MAPK11: variants seen among roughly 807,000 people sequenced by gnomAD.
The protein encoded by MAPK11 is mitogen-activated protein kinase 11.
MAPK11 carries 44 observed loss-of-function variants against 52.2 expected under a neutral mutation model. The ratio of observed to expected loss-of-function variants is 0.84; its 90% CI spans 0.66 to 1.08. MAPK11 has a LOEUF of 1.08. MAPK11 is among the 50% of genes least tolerant of loss of function. The pLI is 0.00. For synonymous variants in MAPK11, 233 were observed against 206.3 expected, an observed-to-expected ratio of 1.13 and a Z score of -1.11; for missense variants, 436 against 494.7, an observed-to-expected ratio of 0.88 and a Z score of 1.13.
At chr22:50,266,167 C>G (rs907756355) in intron 9 of MAPK11, 59 bp downstream of exon 9, 55 of 1,395,954 alleles carry the variant, frequency 3.9e-5, no homozygotes, top group Non-Finnish European at 5.1e-5. Flanking sequence ...CCCTCTCCCC[C>G]AGAGAGCCTG....
At position 50,270,267 on chromosome 22, in the gene MAPK11, T is replaced by C. The variant is rs1204373387; in HGVS notation, c.26A>G (p.Tyr9Cys). The change falls in exon 1 of 12, where the codon TAC becomes TGC. Residue 9 changes from tyrosine (Y) to cysteine (C), a missense_variant. Physicochemically the swap from Tyr to Cys is radical, Grantham distance 194. Transcript: ENST00000330651. This position sits in a 1 kb window ranked among gnomAD's most constrained non-coding sequence, Gnocchi z 6.3. ...CACGGTCTTGTTCAGCTCCTGCCGG[T>C]AGAAGCCGGCGCGAGGGCCCGACAT... The part of the protein sequence containing the change: MSGPRAGF[Y>C]RQELNKTVWE... The C allele has an allele frequency of 7.0e-7, 1 of 1,433,556 alleles. No homozygotes were observed. The highest frequency in any genetic ancestry group is 9.2e-7 in the Non-Finnish European group (1 of 1,090,942). The allele number at this position is 1,433,556 out of a possible 1,614,324, so 88.8% of individuals were successfully genotyped here.
At chr22:50,266,374 G>A in intron 8 of MAPK11, 69 bp from the exon 9 acceptor site, 9 of 1,499,808 alleles carry the variant, frequency 6.0e-6, no homozygotes, top group Non-Finnish European at 8.2e-6. Flanking sequence ...CCAAAACTTT[G>A]GGGCGCTGCC....
Position 50,264,878 on chromosome 22 carries a change from A to T in MAPK11, c.*70T>A. Reference sequence around the variant, plus strand: ...AGTGTGGGAGGTGCCTCTCGAGGAAACCAGGCCAGCTGTGGAAGGGTGCAG... The same window carrying T: ...AGTGTGGGAGGTGCCTCTCGAGGAATCCAGGCCAGCTGTGGAAGGGTGCAG... On this transcript the variant is annotated 3_prime_UTR_variant, in exon 12 of 12. Transcript: ENST00000330651. 2.3e-6 allele frequency: 3 copies of T among 1,315,110 alleles called. No homozygotes were observed. The highest frequency in any genetic ancestry group is 3.2e-6 in the Non-Finnish European group (3 of 938,222). 81.5% of individuals were successfully genotyped at this position (1,315,110 alleles called of 1,614,324 possible).
chr22:50,268,385 T>C (rs1839007028), intron 1 of MAPK11, among the ~76,000 whole-genome samples: 1 of 152,206 alleles, frequency 6.6e-6, no homozygotes, highest in South Asian at 2.1e-4. Flanking sequence ...AGGGGGATTC[T>C]AGAGCCACCT....
chr22:50,267,686 C>G, intron 2 of MAPK11, 59 bp from the exon 3 acceptor site: 1 of 1,474,778 alleles, frequency 6.8e-7, no homozygotes, highest in Non-Finnish European at 9.0e-7. Flanking sequence ...TTCAGCTCCC[C>G]CCGGGCCACG....
chr22:50,267,427 C>A lies in MAPK11; in HGVS notation c.361G>T (p.Ala121Ser), dbSNP rs1304886815. The change falls in exon 4 of 12, where the codon GCG (alanine) becomes TCG (serine). Residue 121 changes from alanine (A) to serine (S), a missense_variant. Transcript: ENST00000330651. Reference protein sequence around the residue: ...ADLNNIVKCQALSDEHVQFLV... With the variant: ...ADLNNIVKCQSLSDEHVQFLV... ...AATTGAACGTGCTCGTCGCTCAGCG[C>A]CTGGCACTTGACGATGTTGTTCAGG... The A allele has an allele frequency of 3.1e-6, 5 of 1,610,974 alleles. No individual in the cohort carries two copies. The African/African-American group carries it at 6.7e-5, about 22-fold the overall frequency.
chr22:50,268,781 C>A (rs1357624140), intron 1 of MAPK11, among the ~76,000 whole-genome samples: 1 of 152,208 alleles, frequency 6.6e-6, no homozygotes, highest in Non-Finnish European at 1.5e-5. Flanking sequence ...GAGGCCACCC[C>A]CCATGCCCAC....
intron 7 of MAPK11, 65 bp from the exon 8 acceptor site, chr22:50,266,676 C>T (rs777746397): frequency 2.7e-6 from 4 of 1,459,798 alleles, no homozygotes; most frequent in Non-Finnish European, 3.8e-6. Flanking sequence ...AGGAGACCCA[C>T]AGTCACATCC....
In MAPK11 at chr22:50,266,657, C is replaced by T. The variant is rs1390503813; in HGVS notation, c.611-46G>A. ...CTCCATCAGTGTGCCCACCCCACGTCCCTCCTCCAGGAGACCCACAGTCAC... is the reference window on the plus strand; with the variant it reads ...CTCCATCAGTGTGCCCACCCCACGTTCCTCCTCCAGGAGACCCACAGTCAC... On this transcript the variant is annotated intron_variant, in intron 7 of 11. Transcript: ENST00000330651. The T allele has an allele frequency of 1.9e-6, 3 of 1,553,358 alleles. No homozygotes were observed. The African/African-American group carries it at 4.1e-5, about 21-fold the overall frequency.
chr22:50,270,153 G>A lies in MAPK11; in HGVS notation c.116+24C>T. 9.1e-7 allele frequency: 1 copy of A among 1,100,492 alleles called. No homozygotes were observed. Among genetic ancestry groups the A allele is most frequent in the Non-Finnish European group, 1.2e-6 (1 of 831,678 alleles). 68.2% of individuals were successfully genotyped at this position (1,100,492 alleles called of 1,614,324 possible). The stretch of plus-strand genomic sequence containing the variant: ...TCCGGCCCGGCCCGGCCCCCACCCA[G>A]CACCCCTTCTGCCCCGCCCCTACCA... On this transcript the variant is annotated intron_variant, in intron 1 of 11. Coordinates refer to ENST00000330651, the MANE Select transcript of MAPK11 (RefSeq NM_002751.7). The surrounding 1 kb of genome is among the most constrained non-coding windows in gnomAD (Gnocchi z 6.3).
Position 50,267,800 on chromosome 22 carries a change from A to G in MAPK11, c.246+20T>C, listed in dbSNP as rs1357234951. On this transcript the variant is annotated intron_variant, in intron 2 of 11. Coordinates refer to ENST00000330651, the MANE Select transcript of MAPK11 (RefSeq NM_002751.7). The stretch of plus-strand genomic sequence containing the variant: ...CCGCCCCCGCACGCGCCCTCCCCCC[A>G]CGGCCCTCCCCCGGCTCACGTTCTC... 7 of 985,228 alleles carry G rather than the reference A, an allele frequency of 7.1e-6. No individual in the cohort carries two copies. The highest frequency in any genetic ancestry group is 9.7e-6 in the Non-Finnish European group (7 of 723,930). The allele number at this position is 985,228 out of a possible 1,614,324, so 61.0% of individuals were successfully genotyped here.
rs185822823 is a variant in MAPK11 at position 50,265,531 on chromosome 22, G to A, written c.842-37C>T. 5 of 1,612,704 alleles carry A rather than the reference G, an allele frequency of 3.1e-6. No individual in the cohort carries two copies. The African/African-American group carries it at 6.7e-5, about 21-fold the overall frequency. Reference sequence around the variant, plus strand: ...CCAGTGGTGGGGAGGGGGGTCAGCTGTACATCCAGGGCCAGATATGGAGCC... The same window carrying A: ...CCAGTGGTGGGGAGGGGGGTCAGCTATACATCCAGGGCCAGATATGGAGCC... On this transcript the variant is annotated intron_variant, in intron 10 of 11. Transcript: ENST00000330651.
At position 50,267,072 on chromosome 22, in the gene MAPK11, C is replaced by T. The variant is rs763175069; in HGVS notation, c.496-24G>A. On this transcript the variant is annotated intron_variant, in intron 6 of 11. Transcript: ENST00000330651. ...ATCTGGGGCGACCACGTGGTGTTCT[C>T]AAGCTCCGCACGGGCTCCGCCGCCG... 7.4e-6 allele frequency: 12 copies of T among 1,611,476 alleles called. No homozygotes were observed. In the African/African-American group the frequency reaches 1.6e-4, roughly 22 times the overall value.
At chr22:50,265,974 C>G (rs2065259181) in intron 9 of MAPK11, among the ~76,000 whole-genome samples, 1 of 135,420 alleles carries the variant, frequency 7.4e-6, no homozygotes, top group African/African-American at 2.9e-5. Flanking sequence ...GCTGGGCCCC[C>G]AGCCCACCCC....
chr22:50,265,250 G>A, intron 11 of MAPK11, 71 bp downstream of exon 11: 1 of 1,567,586 alleles, frequency 6.4e-7, no homozygotes, highest in South Asian at 1.2e-5. Context: ...GAGGAACTGG[G>A]GCATTTCCTG....
chr22:50,267,930 G>C lies in MAPK11; in HGVS notation c.136C>G (p.Leu46Val). The C allele has an allele frequency of 6.3e-7, 1 of 1,577,012 alleles. No homozygotes were observed. The highest frequency in any genetic ancestry group is 8.6e-7 in the Non-Finnish European group (1 of 1,164,184). Reference sequence around the variant, plus strand: ...TTCTTCACCGCCACCTTCTGGCGCAGCCGGGCGTCGTAGGCCGAACTGGAA... The same window carrying C: ...TTCTTCACCGCCACCTTCTGGCGCACCCGGGCGTCGTAGGCCGAACTGGAA... ...GSVCSAYDARLRQKVAVKKLS... is the reference protein window; with the variant it reads ...GSVCSAYDARVRQKVAVKKLS... Residue 46 changes from leucine (L) to valine (V), a missense_variant, in exon 2 of 12, where the codon CTG (leucine) becomes GTG (valine). By Grantham distance (32) the Leu-to-Val change is conservative. Transcript: ENST00000330651.
rs765547984 is a variant in MAPK11 at position 50,267,388 on chromosome 22, G to C, written c.400C>G (p.Leu134Val). Residue 134 changes from leucine (L) to valine (V), a missense_variant, in exon 4 of 12, where the codon CTG (leucine) becomes GTG (valine). Physicochemically the swap from Leu to Val is conservative, Grantham distance 32. Coordinates refer to ENST00000330651, the MANE Select transcript of MAPK11 (RefSeq NM_002751.7). ...DEHVQFLVYQ[L>V]LRGLKYIHSA... ...CGCCCCACCTTCAGCCCGCGCAGCA[G>C]CTGGTAAACCAGGAATTGAACGTGC... 2 of 1,597,822 alleles carry C rather than the reference G, an allele frequency of 1.3e-6. No individual in the cohort carries two copies. The highest frequency in any genetic ancestry group is 1.7e-6 in the Non-Finnish European group (2 of 1,171,476).
Position 50,265,026 on chromosome 22 carries a change from C to G in MAPK11, c.1017G>C (p.Glu339Asp), listed in dbSNP as rs141669191. Residue 339 changes from glutamate (E) to aspartate (D), a missense_variant and splice_region_variant, in exon 12 of 12, where the codon GAG (glutamate) becomes GAC (aspartate). Physicochemically the swap from Glu to Asp is conservative, Grantham distance 45. Transcript: ENST00000330651. ...AGCTGAGGACTTCCTGGTAAGTGAG[C>G]TCTAGGAGGTGAAGGGAAAGGGTGA... ...AKERTLEEWK[E>D]LTYQEVLSFK... is the part of the protein sequence containing the mutation. The G allele has an allele frequency of 8.7e-6, 14 of 1,612,554 alleles. No homozygotes were observed. The African/African-American group carries it at 1.1e-4, about 12-fold the overall frequency.
chr22:50,265,851 A>G (rs2065257753), intron 9 of MAPK11, among the ~76,000 whole-genome samples, 191 bp from the exon 10 acceptor site: 1 of 150,744 alleles, frequency 6.6e-6, no homozygotes. Context: ...TAATGCCTGC[A>G]GGAGCTGGGT....
Sources: gnomAD v4.1 joint callset for allele counts (sites outside exome capture counted in the v4.1 genomes callset) on GRCh38, gnomAD v4.1.1 for gene constraint, Gnocchi (gnomAD v3.1) non-coding constraint, MANE v1.5 for transcripts, NCBI Gene and HGNC (gene_info 2026-07-23, HGNC 2026-07-21) for gene names.